The following DNAAF19 variants were observed in gnomAD, a reference collection of about 807,000 sequenced individuals.
DNAAF19 encodes coiled-coil domain containing 103.
the DNAAF19 span, chr17:44,902,216 A>G: frequency 9.5e-7 from 1 of 1,048,816 alleles, no homozygotes. Context: ...TCATCTGAAA[A>G]TGAGGCCGCC....
chr17:44,904,518 A>G, the DNAAF19 span: 8 of 1,550,210 alleles, frequency 5.2e-6, no homozygotes, highest in Non-Finnish European at 7.0e-6. Flanking sequence ...GCCAGGGACC[A>G]CACGCCTGAG....
chr17:44,903,033 G>A, the DNAAF19 span: 1 of 1,401,074 alleles, frequency 7.1e-7, no homozygotes, highest in African/African-American at 1.4e-5. Flanking sequence ...ACAGTCAAGA[G>A]CTCAGGAAGT....
chr17:44,904,982 T>C, the DNAAF19 span: 1 of 1,550,812 alleles, frequency 6.4e-7, no homozygotes, highest in Non-Finnish European at 8.7e-7. Context: ...CCTGATAGGC[T>C]ACCTGCTCAT....
chr17:44,904,283 G>C, the DNAAF19 span: 1 of 1,549,868 alleles, frequency 6.5e-7, no homozygotes, highest in South Asian at 1.2e-5. Context: ...CACTTTCCAG[G>C]ACAAGGGCCA....
chr17:44,905,013 T>A, the DNAAF19 span: 2 of 1,550,606 alleles, frequency 1.3e-6, no homozygotes. Flanking sequence ...TTTGTCACCA[T>A]TCACTTCTGT....
At chr17:44,905,016 A>G in the DNAAF19 span, 3 of 1,550,132 alleles carry the variant, frequency 1.9e-6, no homozygotes, top group Non-Finnish European at 2.6e-6. Flanking sequence ...GTCACCATTC[A>G]CTTCTGTCGT....
the DNAAF19 span, among the ~76,000 whole-genome samples, chr17:44,900,603 G>A: frequency 1.3e-5 from 2 of 152,278 alleles, no homozygotes; most frequent in South Asian, 4.1e-4. Flanking sequence ...CTTTGTGTGA[G>A]GTCCCCTGTC....
chr17:44,903,929 G>A, the DNAAF19 span: 3 of 1,550,456 alleles, frequency 1.9e-6, no homozygotes, highest in Non-Finnish European at 2.6e-6. Flanking sequence ...CCCCTGCCCT[G>A]CTTTCCTGAT....
chr17:44,902,911 A>C, the DNAAF19 span: 49 of 1,434,552 alleles, frequency 3.4e-5, no homozygotes, highest in African/African-American at 4.3e-5. Flanking sequence ...TAAGAAACCC[A>C]CACCTGGTTC....
the DNAAF19 span, chr17:44,903,027 T>A: frequency 7.1e-7 from 1 of 1,405,008 alleles, no homozygotes; most frequent in African/African-American, 1.4e-5. Context: ...CCATGGACAG[T>A]CAAGAGCTCA....
chr17:44,903,871 G>T, the DNAAF19 span: 1 of 1,550,176 alleles, frequency 6.5e-7, no homozygotes, highest in Non-Finnish European at 8.7e-7. Context: ...GGGCATGGGG[G>T]CTCCAGGCCT....
chr17:44,904,802 GAC>G, the DNAAF19 span: 3 of 1,550,624 alleles, frequency 1.9e-6, no homozygotes, highest in Admixed American at 2.0e-5. Flanking sequence ...GGTGTTCATT[GAC>G]CACGGCAACC....
the DNAAF19 span, chr17:44,904,666 G>A: frequency 4.9e-5 from 76 of 1,550,576 alleles, no homozygotes; most frequent in East Asian, 1.8e-3. Context: ...TCCACCAGCA[G>A]AGACTGGGCC....
the DNAAF19 span, chr17:44,904,155 G>A: frequency 6.4e-7 from 1 of 1,550,404 alleles, no homozygotes. Flanking sequence ...CGCATGTTCA[G>A]CTTGTTGGTT....
At chr17:44,899,750 G>C in the DNAAF19 span, 1 of 152,266 alleles carries the variant, frequency 6.6e-6, no homozygotes, top group Non-Finnish European at 1.5e-5. Context: ...TGGTCTGCGC[G>C]GGGTTGCCCT....
At chr17:44,904,156 C>CTTG in the DNAAF19 span, 1 of 1,550,232 alleles carries the variant, frequency 6.5e-7, no homozygotes, top group African/African-American at 1.4e-5. Context: ...GCATGTTCAG[C>CTTG]TTGTTGGTTT....
At chr17:44,904,714 G>A in the DNAAF19 span, 1 of 1,550,616 alleles carries the variant, frequency 6.4e-7, no homozygotes, top group Non-Finnish European at 8.7e-7. Flanking sequence ...CCCGGCCAGA[G>A]CATGCAGTGG....
At chr17:44,902,600 C>A in the DNAAF19 span, 7 of 1,614,014 alleles carry the variant, frequency 4.3e-6, no homozygotes, top group Admixed American at 1.2e-4. Context: ...TGCAGCCTGG[C>A]GAGCACTGGG....
chr17:44,901,466 C>T, the DNAAF19 span: 1 of 1,601,002 alleles, frequency 6.2e-7, no homozygotes, highest in African/African-American at 1.3e-5. Flanking sequence ...AGCTGCCTCA[C>T]ACCCACAGAC....
Sources: allele counts gnomAD v4.1 joint callset (sites outside exome capture counted in the v4.1 genomes callset), GRCh38; gene constraint gnomAD v4.1.1; transcripts MANE v1.5; gene names NCBI Gene and HGNC (gene_info 2026-07-23, HGNC 2026-07-21).